APBB2: variants seen among roughly 807,000 people sequenced by gnomAD.
APBB2 encodes Fe65-like 1.
A neutral mutation model predicts 82.5 loss-of-function variants in APBB2; 38 were observed. The observed-to-expected ratio is 0.46, with a 90% CI of 0.36 to 0.60. APBB2 has a LOEUF of 0.60. Among genes scored for constraint, APBB2 ranks in the 20% least tolerant of loss-of-function variants. The probability of loss-of-function intolerance (pLI) is 0.00; values close to 1 mark genes in which losing one functional copy is unlikely to be tolerated. For synonymous variants in APBB2, 341 were observed against 368.2 expected (o/e 0.93, Z 0.85); for missense variants, 772 against 972.3 (o/e 0.79, Z 2.74).
chr4:41,020,619 G>A (rs535617465), intron 5 of APBB2, among the ~76,000 whole-genome samples: 1 of 152,226 alleles, frequency 6.6e-6, no homozygotes, highest in East Asian at 1.9e-4. Flanking sequence ...TAACTTATAA[G>A]GTAATCCCAA....
chr4:40,930,448 TGCGCGCGC>T (rs1174752964), intron 10 of APBB2, among the ~76,000 whole-genome samples: 51 of 66,550 alleles, frequency 7.7e-4, no homozygotes, highest in African/African-American at 2.2e-3. Context: ...TGTGTGTGTG[TGCGCGCGC>T]GCGCGCGCGC....
At chr4:40,952,467 A>G (rs991214562) in intron 6 of APBB2, among the ~76,000 whole-genome samples, 3 of 152,192 alleles carry the variant, frequency 2.0e-5, no homozygotes, top group Non-Finnish European at 4.4e-5. Context: ...CATAATTTTT[A>G]ATTTAAATAT....
Position 40,854,790 on chromosome 4 carries a change from CAA to C in APBB2, c.1530-24215_1530-24214del, listed in dbSNP as rs80240731. On this transcript the variant is annotated intron_variant, in intron 12 of 17. Coordinates refer to ENST00000508593, the MANE Select transcript of APBB2 (RefSeq NM_004307.2). ...GGCGATAAGAGCGAAAGTCCATCTC[CAA>C]AAAAAAAAAAAAAAAAAGAAGAAAG... Among the ~76,000 whole-genome samples the C allele has an allele frequency of 7.2e-3, 900 of 124,752 alleles. 17 individuals are homozygous for C. Among genetic ancestry groups the C allele is most frequent in the African/African-American group, 0.024 (771 of 31,726 alleles). The allele number at this position is 124,752 out of a possible 152,430, so 81.8% of individuals were successfully genotyped here.
At chr4:40,933,555 C>G (rs998768148) in intron 10 of APBB2, among the ~76,000 whole-genome samples, 5 of 152,196 alleles carry the variant, frequency 3.3e-5, no homozygotes, top group African/African-American at 7.2e-5. Flanking sequence ...CACCACCACG[C>G]TCCAATCCCA....
At chr4:41,010,276 G>A (rs761862915) in intron 6 of APBB2, among the ~76,000 whole-genome samples, 3 of 151,980 alleles carry the variant, frequency 2.0e-5, no homozygotes, top group Non-Finnish European at 4.4e-5. Context: ...ACATTTTTTC[G>A]AGCATATTTG....
chr4:40,983,114 T>C (rs1194145570), intron 6 of APBB2, among the ~76,000 whole-genome samples: 1 of 152,226 alleles, frequency 6.6e-6, no homozygotes, highest in East Asian at 1.9e-4. Flanking sequence ...GTACTTCATG[T>C]CTATTACTCA....
intron 3 of APBB2, among the ~76,000 whole-genome samples, chr4:41,098,546 T>C (rs1404870224): frequency 6.6e-6 from 1 of 152,188 alleles, no homozygotes; most frequent in Non-Finnish European, 1.5e-5. Context: ...CACAGGGCTG[T>C]CTTTAGCTTA....
intron 1 of APBB2, among the ~76,000 whole-genome samples, chr4:41,147,221 G>C (rs1303216207): frequency 6.6e-6 from 1 of 152,170 alleles, no homozygotes; most frequent in Non-Finnish European, 1.5e-5. Context: ...ATGAGGGTAA[G>C]TTTAAATGTA....
At chr4:41,027,126 T>G (rs1714592139) in intron 5 of APBB2, among the ~76,000 whole-genome samples, 1 of 152,102 alleles carries the variant, frequency 6.6e-6, no homozygotes, top group African/African-American at 2.4e-5. Context: ...GATTTCAGAC[T>G]GAGCTCCTAT....
intron 10 of APBB2, among the ~76,000 whole-genome samples, chr4:40,933,043 T>C (rs1329941159): frequency 1.3e-5 from 2 of 152,186 alleles, no homozygotes; most frequent in Admixed American, 6.5e-5. Flanking sequence ...TTTGTATTTT[T>C]AGTAGAGACG....
At chr4:40,886,755 A>G (rs559715131) in intron 12 of APBB2, among the ~76,000 whole-genome samples, 104 of 152,296 alleles carry the variant, frequency 6.8e-4, no homozygotes, top group Admixed American at 9.8e-4. Flanking sequence ...GGCCCAGTGC[A>G]CACACCTGCG....
rs58738178 is a variant in APBB2, at chr4:40,982,416, A to AGGAAAG, written c.835+31166_835+31167insCTTTCC. On this transcript the variant is annotated intron_variant, in intron 6 of 17. Coordinates refer to ENST00000508593, the MANE Select transcript of APBB2 (RefSeq NM_004307.2). ...GAAAGGAAAGGAAAGAAAGAAAGAAAGAAAGAAAGAAAGAAAGAAAGAAAG... is the reference window on the plus strand; with the variant it reads ...GAAAGGAAAGGAAAGAAAGAAAGAAAGGAAAGGAAAGAAAGAAAGAAAGAAAGAAAG... Among the ~76,000 whole-genome samples the AGGAAAG allele has an allele frequency of 1.0e-3, 114 of 110,432 alleles. 10 individuals carry two copies. Among genetic ancestry groups the AGGAAAG allele is most frequent in the African/African-American group, 3.8e-3 (105 of 27,700 alleles). 72.4% of individuals were successfully genotyped at this position (110,432 alleles called of 152,430 possible).
chr4:41,104,211 T>A (rs745740062), intron 2 of APBB2, among the ~76,000 whole-genome samples: 11 of 152,214 alleles, frequency 7.2e-5, no homozygotes, highest in Non-Finnish European at 1.5e-4. Context: ...AAAAGAGAGA[T>A]TGGTCTTTGT....
intron 3 of APBB2, among the ~76,000 whole-genome samples, chr4:41,087,949 C>T (rs1740380980): frequency 6.6e-6 from 1 of 152,298 alleles, no homozygotes; most frequent in East Asian, 1.9e-4. Flanking sequence ...CTCCACAAAA[C>T]AGCCGCAGTC....
At chr4:41,116,413 T>C (rs1376844491) in intron 2 of APBB2, among the ~76,000 whole-genome samples, 2 of 152,120 alleles carry the variant, frequency 1.3e-5, no homozygotes, top group Admixed American at 1.3e-4. Flanking sequence ...TGTATACCTA[T>C]GTGGCAAACC....
chr4:41,188,922 A>G, intron 1 of APBB2, among the ~76,000 whole-genome samples: 1 of 152,162 alleles, frequency 6.6e-6, no homozygotes, highest in East Asian at 1.9e-4. Context: ...ATTCAAAAAA[A>G]GAAAAAGTGG....
At chr4:40,861,011 T>C (rs758726555) in intron 12 of APBB2, among the ~76,000 whole-genome samples, 60 of 152,172 alleles carry the variant, frequency 3.9e-4, no homozygotes, top group Non-Finnish European at 6.5e-4. Context: ...AAAATGTATT[T>C]CTGACCAGCT....
At chr4:41,020,462 T>G (rs1158582967) in intron 5 of APBB2, among the ~76,000 whole-genome samples, 16 of 152,228 alleles carry the variant, frequency 1.1e-4, no homozygotes, top group Admixed American at 1.0e-3. Context: ...ATAATTGGTC[T>G]GCTCAAACCA....
At chr4:40,942,945 C>G (rs1353482563) in intron 7 of APBB2, among the ~76,000 whole-genome samples, 2 of 152,224 alleles carry the variant, frequency 1.3e-5, no homozygotes, top group African/African-American at 4.8e-5. Flanking sequence ...TCAGGATGCC[C>G]TCCTTGGAGT....
Sources: allele counts gnomAD v4.1 joint callset (sites outside exome capture counted in the v4.1 genomes callset), GRCh38; gene constraint gnomAD v4.1.1; transcripts MANE v1.5; gene names NCBI Gene and HGNC (gene_info 2026-07-23, HGNC 2026-07-21).